Variants in GSTA1 observed in about 807,000 individuals in gnomAD.
GSTA1 encodes the protein glutathione S-transferase A1.
GSTA1 carries 23 observed loss-of-function variants against 21.5 expected under a neutral mutation model. That is an observed-to-expected ratio of 1.07 (90% CI 0.77 to 1.52). The LOEUF (loss-of-function observed/expected upper bound fraction) is 1.52, where lower values mean the gene tolerates loss of function less well. GSTA1 is among the 40% of genes most tolerant of loss of function. The pLI is 0.00. For missense variants in GSTA1, 301 were observed against 264.2 expected (o/e 1.14, Z -0.96); for synonymous variants, 125 against 90.0 (o/e 1.39, Z -2.20).
chr6:52,803,210 C>T (rs79049710), intron 1 of GSTA1, among the ~76,000 whole-genome samples: 6 of 152,266 alleles, frequency 3.9e-5, no homozygotes, highest in Non-Finnish European at 8.8e-5. Context: ...CAGCAACAGT[C>T]GGAGCCTCTT....
rs773702223 is a variant in GSTA1, at chr6:52,794,217, G to T, written c.322C>A (p.Leu108Ile). Residue 108 changes from leucine (L) to isoleucine (I), a missense_variant, in exon 5 of 7, where the codon CTT (leucine) becomes ATT (isoleucine). Coordinates refer to ENST00000334575, the MANE Select transcript of GSTA1 (RefSeq NM_145740.5). ...GIADLGEMIL[L>I]LPVCPPEEKD... is the part of the protein sequence containing the mutation. Reference sequence around the variant, plus strand: ...TCCTCAGGTGGACATACGGGCAGAAGGAGGATCATTTCACCCAAATCTGCT... The same window carrying T: ...TCCTCAGGTGGACATACGGGCAGAATGAGGATCATTTCACCCAAATCTGCT... The T allele has an allele frequency of 3.1e-6, 5 of 1,613,856 alleles. No homozygotes were observed. The South Asian group carries it at 5.5e-5, about 18-fold the overall frequency.
At chr6:52,798,900 A>C (rs1763647416) in intron 2 of GSTA1, among the ~76,000 whole-genome samples, 1 of 152,226 alleles carries the variant, frequency 6.6e-6, no homozygotes, top group Non-Finnish European at 1.5e-5. Context: ...TTCTAATTGT[A>C]TAAATGCTAT....
intron 1 of GSTA1, among the ~76,000 whole-genome samples, chr6:52,802,148 C>T (rs534965533): frequency 7.9e-5 from 12 of 152,068 alleles, no homozygotes; most frequent in Non-Finnish European, 1.5e-4. Context: ...ACCTAAAAAT[C>T]AGAGTGAGTT....
At chr6:52,796,790 A>G (rs1763601555) in intron 3 of GSTA1, among the ~76,000 whole-genome samples, 2 of 151,502 alleles carry the variant, frequency 1.3e-5, no homozygotes, top group Non-Finnish European at 2.9e-5. Context: ...TGATCTACCC[A>G]CCTCAGCCTC....
At chr6:52,801,081 A>C (rs1196155436) in intron 1 of GSTA1, among the ~76,000 whole-genome samples, 2 of 152,052 alleles carry the variant, frequency 1.3e-5, no homozygotes, top group African/African-American at 4.8e-5. Context: ...GGGTTTCAGC[A>C]TGTTGGACAG....
At chr6:52,797,030 G>A (rs1274024242) in intron 3 of GSTA1, among the ~76,000 whole-genome samples, 3 of 152,146 alleles carry the variant, frequency 2.0e-5, no homozygotes, top group Admixed American at 6.5e-5. Flanking sequence ...CAATAGGACT[G>A]GCAACAAGAT....
At chr6:52,799,158 A>T in intron 2 of GSTA1, 23 bp downstream of exon 2, 1 of 1,606,092 alleles carries the variant, frequency 6.2e-7, no homozygotes, top group Non-Finnish European at 8.5e-7. Flanking sequence ...ATCCAACTTA[A>T]GATGACCTAA....
In GSTA1 at chr6:52,796,212, A is replaced by T; in HGVS notation, c.242T>A (p.Leu81His). The T allele has an allele frequency of 6.2e-7, 1 of 1,613,790 alleles. No individual in the cohort carries two copies. The highest frequency in any genetic ancestry group is 8.5e-7 in the Non-Finnish European group (1 of 1,179,928). ...ILNYIASKYN[L>H]YGKDIKERAL... ...TCTCTCCTTTATGTCTTTCCCATAG[A>T]GGTTGTATTTGCTGGCAATGTAGTT... The change falls in exon 4 of 7, where the codon CTC (leucine) becomes CAC (histidine). Residue 81 changes from leucine to histidine, a missense_variant. Coordinates refer to ENST00000334575, the MANE Select transcript of GSTA1 (RefSeq NM_145740.5).
chr6:52,803,813 C>G lies in GSTA1; in HGVS notation c.-59G>C, dbSNP rs1051536. 10 of 193,244 alleles carry G rather than the reference C, an allele frequency of 5.2e-5. No homozygotes were observed. Among genetic ancestry groups the G allele is most frequent in the African/African-American group, 1.2e-4 (5 of 43,060 alleles). The allele number at this position is 193,244 out of a possible 1,614,324, so 12.0% of individuals were successfully genotyped here. A position where few individuals can be genotyped will look rare whatever the true frequency, so the allele number is the denominator to read the frequency against. ...GTTAAACGCTGTCACCGTCCTGGCT[C>G]GACAACTGAATTCCAGGTCCTAATG... On this transcript the variant is annotated 5_prime_UTR_variant, in exon 1 of 7. Coordinates refer to ENST00000334575, the MANE Select transcript of GSTA1 (RefSeq NM_145740.5).
intron 4 of GSTA1, among the ~76,000 whole-genome samples, chr6:52,795,275 C>T (rs997478122): frequency 1.2e-4 from 19 of 152,108 alleles, no homozygotes; most frequent in Admixed American, 2.6e-4. Flanking sequence ...GCTTAACTGT[C>T]TTATAGCATG....
chr6:52,795,799 C>T (rs1209011954), intron 4 of GSTA1, among the ~76,000 whole-genome samples: 1 of 152,152 alleles, frequency 6.6e-6, no homozygotes, highest in Admixed American at 6.5e-5. Context: ...TGCAACTTTC[C>T]CTCCCCAGTC....
In GSTA1 at chr6:52,799,217, C is replaced by A. The variant is rs1445534919; in HGVS notation, c.51G>T (p.Glu17Asp). 1 of 1,613,880 alleles carries A rather than the reference C, an allele frequency of 6.2e-7. No individual in the cohort carries two copies. The highest frequency in any genetic ancestry group is 8.5e-7 in the Non-Finnish European group (1 of 1,179,924). Residue 17 changes from glutamate (E) to aspartate (D), a missense_variant, in exon 2 of 7, where the codon GAG becomes GAT. Transcript: ENST00000334575. ...LHYFNARGRMESTRWLLAAAG... is the reference protein window; with the variant it reads ...LHYFNARGRMDSTRWLLAAAG... Reference sequence around the variant, plus strand: ...CTGCAGCCAGGAGCCACCGGGTGGACTCCATTCTGCCCCGTGCATTGAAGT... The same window carrying A: ...CTGCAGCCAGGAGCCACCGGGTGGAATCCATTCTGCCCCGTGCATTGAAGT...
chr6:52,802,718 T>A (rs1397343361), intron 1 of GSTA1, among the ~76,000 whole-genome samples: 1 of 152,216 alleles, frequency 6.6e-6, no homozygotes, highest in East Asian at 1.9e-4. Context: ...TTGTAATCTG[T>A]CTCTTCATCA....
rs1247223374 is a variant in GSTA1 at position 52,792,970 on chromosome 6, T to C, written c.432A>G (p.Gly144=). 3.7e-6 allele frequency: 6 copies of C among 1,613,944 alleles called. No homozygotes were observed. Among genetic ancestry groups the C allele is most frequent in the African/African-American group, 1.3e-5 (1 of 74,872 alleles). Residue 144 remains glycine, a synonymous_variant, in exon 6 of 7, where the codon GGA becomes GGG. Coordinates refer to ENST00000334575, the MANE Select transcript of GSTA1 (RefSeq NM_145740.5). ...GCTTGTTGCCAACAAGGTAGTCTTG[T>C]CCATGGCTCTTTAAGACCTGGAGAA... is the stretch of plus-strand genomic sequence containing the variant. ...PAFEKVLKSH[G]QDYLVGNKLS...
intron 1 of GSTA1, among the ~76,000 whole-genome samples, chr6:52,800,990 T>C (rs1763702866): frequency 1.3e-5 from 2 of 152,170 alleles, no homozygotes; most frequent in Non-Finnish European, 2.9e-5. Flanking sequence ...CTAGTGATTC[T>C]CCTCCCTCAG....
At position 52,791,933 on chromosome 6, in the gene GSTA1, T is replaced by C. The variant is rs374000396; in HGVS notation, c.594A>G (p.Leu198=). Reference sequence around the variant, plus strand: ...GAGGCTTCCTTGGGCTGCCAGGCTGTAGAAACTTCTTCACTGTGGGCAGGT... The same window carrying C: ...GAGGCTTCCTTGGGCTGCCAGGCTGCAGAAACTTCTTCACTGTGGGCAGGT... The part of the protein sequence containing the change: ...ISNLPTVKKF[L]QPGSPRKPPM... The change falls in exon 7 of 7, where the codon CTA becomes CTG. Residue 198 remains leucine (L), a synonymous_variant. Transcript: ENST00000334575. 38 of 1,613,878 alleles carry C rather than the reference T, an allele frequency of 2.4e-5. No individual in the cohort carries two copies. The highest frequency in any genetic ancestry group is 3.2e-5 in the Non-Finnish European group (38 of 1,179,872).
chr6:52,802,804 A>G (rs1482512833), intron 1 of GSTA1, among the ~76,000 whole-genome samples: 1 of 152,188 alleles, frequency 6.6e-6, no homozygotes, highest in Non-Finnish European at 1.5e-5. Context: ...ATAAGATTTT[A>G]TATGAATCCA....
rs554177964 is a variant in GSTA1, at chr6:52,794,228, T to C, written c.311A>G (p.Glu104Gly). ...MYIEGIADLG[E>G]MILLLPVCPP... ...ACATACGGGCAGAAGGAGGATCATT[T>C]CACCCAAATCTGCTATACCTTCTAT... Residue 104 changes from glutamate (E) to glycine (G), a missense_variant, in exon 5 of 7, where the codon GAA becomes GGA. Coordinates refer to ENST00000334575, the MANE Select transcript of GSTA1 (RefSeq NM_145740.5). 7 of 1,613,842 alleles carry C rather than the reference T, an allele frequency of 4.3e-6. No individual in the cohort carries two copies. Among genetic ancestry groups the C allele is most frequent in the South Asian group, 1.1e-5 (1 of 91,070 alleles).
chr6:52,803,707 C>T (rs1213590815), intron 1 of GSTA1, 78 bp downstream of exon 1: 1 of 176,452 alleles, frequency 5.7e-6, no homozygotes, highest in Non-Finnish European at 1.2e-5. Context: ...GCTAAGGACA[C>T]ATATTAGCAT....
Sources: allele counts gnomAD v4.1 joint callset (sites outside exome capture counted in the v4.1 genomes callset), GRCh38; gene constraint gnomAD v4.1.1; transcripts MANE v1.5; gene names NCBI Gene and HGNC (gene_info 2026-07-23, HGNC 2026-07-21).